Variants in NCAM2 observed in about 807,000 individuals in gnomAD.
The protein encoded by NCAM2 is neural cell adhesion molecule 2.
NCAM2 carries 30 observed loss-of-function variants against 98.1 expected under a neutral mutation model. That is an observed-to-expected ratio of 0.31 (90% CI 0.23 to 0.41). NCAM2 has a LOEUF of 0.41. Among genes scored for constraint, NCAM2 ranks in the 10% least tolerant of loss-of-function variants. The pLI is 1.00. For missense variants in NCAM2, 867 were observed against 1,005.8 expected (o/e 0.86, Z 1.87); for synonymous variants, 368 against 342.4 (o/e 1.07, Z -0.83).
intron 1 of NCAM2, among the ~76,000 whole-genome samples, chr21:21,041,747 G>A (rs964812431): frequency 1.3e-5 from 2 of 152,200 alleles, no homozygotes; most frequent in African/African-American, 2.4e-5. Context: ...TATAGTAACA[G>A]AGAGAGAAAG....
intron 9 of NCAM2, among the ~76,000 whole-genome samples, chr21:21,379,682 T>A (rs888504918): frequency 6.6e-6 from 1 of 152,102 alleles, no homozygotes; most frequent in African/African-American, 2.4e-5. Context: ...ACTATTTTGG[T>A]GAATAGACGA....
intron 1 of NCAM2, among the ~76,000 whole-genome samples, chr21:21,012,507 A>G (rs1243510341): frequency 6.6e-6 from 1 of 152,172 alleles, no homozygotes; most frequent in African/African-American, 2.4e-5. Flanking sequence ...ATAGCACAGG[A>G]AAGGCCATAT....
At chr21:21,515,259 G>T (rs971722) in intron 16 of NCAM2, among the ~76,000 whole-genome samples, 55,746 of 151,984 alleles carry the variant, frequency 0.37, 10,860 homozygotes, top group East Asian at 0.61. Context: ...TAAGCAGATG[G>T]TGTTCTGCAC....
chr21:21,404,889 A>G (rs2076708260), intron 9 of NCAM2, among the ~76,000 whole-genome samples: 1 of 151,640 alleles, frequency 6.6e-6, no homozygotes, highest in East Asian at 1.9e-4. Flanking sequence ...AAGCAACTTT[A>G]CAATAGTAAA....
intron 5 of NCAM2, among the ~76,000 whole-genome samples, chr21:21,314,382 C>T (rs531770738): frequency 6.6e-6 from 1 of 151,638 alleles, no homozygotes; most frequent in African/African-American, 2.4e-5. Context: ...AATCATTCTT[C>T]TCCTATAACT....
chr21:21,353,447 T>C (rs911667672), intron 8 of NCAM2, among the ~76,000 whole-genome samples: 2 of 152,178 alleles, frequency 1.3e-5, no homozygotes, highest in Non-Finnish European at 2.9e-5. Context: ...AAGTTGACAA[T>C]GTCGGAAGTC....
chr21:21,300,949 A>T (rs1193565442), intron 5 of NCAM2, among the ~76,000 whole-genome samples: 2 of 152,050 alleles, frequency 1.3e-5, no homozygotes, highest in Non-Finnish European at 1.5e-5. Context: ...AAATTTCAAC[A>T]TATATTTATT....
intron 1 of NCAM2, among the ~76,000 whole-genome samples, chr21:21,064,934 C>G (rs773020519): frequency 4.6e-5 from 7 of 152,108 alleles, no homozygotes; most frequent in Non-Finnish European, 1.5e-5. Flanking sequence ...AATCCCAGCA[C>G]TTTGGAAGCC....
At chr21:21,084,029 A>G (rs940308086) in intron 1 of NCAM2, among the ~76,000 whole-genome samples, 3 of 152,170 alleles carry the variant, frequency 2.0e-5, no homozygotes, top group Non-Finnish European at 4.4e-5. Flanking sequence ...TATTTCTTAC[A>G]GTTCTGGAGG....
intron 12 of NCAM2, among the ~76,000 whole-genome samples, chr21:21,459,609 T>C (rs1197634779): frequency 1.3e-5 from 2 of 150,226 alleles, no homozygotes; most frequent in African/African-American, 4.9e-5. Flanking sequence ...TATTTATATG[T>C]ACACACATAT....
intron 8 of NCAM2, among the ~76,000 whole-genome samples, chr21:21,346,020 GGTA>G (rs1205737778): frequency 5.3e-5 from 8 of 151,992 alleles, no homozygotes; most frequent in African/African-American, 1.9e-4. Flanking sequence ...ACAACAAAAT[GGTA>G]GTAGTAAGTC....
At chr21:21,314,541 A>G (rs1232231737) in intron 5 of NCAM2, among the ~76,000 whole-genome samples, 1 of 152,110 alleles carries the variant, frequency 6.6e-6, no homozygotes, top group Non-Finnish European at 1.5e-5. Context: ...ATACATACAC[A>G]TATGTACACG....
chr21:21,224,844 C>T (rs2070316716), intron 1 of NCAM2, among the ~76,000 whole-genome samples: 1 of 152,098 alleles, frequency 6.6e-6, no homozygotes, highest in Non-Finnish European at 1.5e-5. Flanking sequence ...AAGTTAGTTG[C>T]ATATTACCTT....
At chr21:21,131,187 G>T (rs1601450452) in intron 1 of NCAM2, among the ~76,000 whole-genome samples, 1 of 151,390 alleles carries the variant, frequency 6.6e-6, no homozygotes, top group Non-Finnish European at 1.5e-5. Context: ...TAAATGGTGG[G>T]GTTTGTGATA....
intron 1 of NCAM2, among the ~76,000 whole-genome samples, chr21:21,189,634 G>A (rs149237814): frequency 2.6e-5 from 4 of 152,276 alleles, no homozygotes; most frequent in African/African-American, 7.2e-5. Flanking sequence ...ATAATTGAAA[G>A]TTAAGCAAGA....
chr21:21,371,575 C>T (rs1180539385), intron 8 of NCAM2, among the ~76,000 whole-genome samples: 1 of 151,680 alleles, frequency 6.6e-6, no homozygotes, highest in Non-Finnish European at 1.5e-5. Flanking sequence ...CTTATGTCCT[C>T]TTAGGGCATC....
intron 10 of NCAM2, among the ~76,000 whole-genome samples, chr21:21,411,117 TATATATAC>T (rs1323536250): frequency 1.3e-5 from 1 of 76,916 alleles, no homozygotes; most frequent in Non-Finnish European, 3.0e-5. Flanking sequence ...TATATGTATA[TATATATAC>T]ACATATATAT....
intron 1 of NCAM2, among the ~76,000 whole-genome samples, chr21:21,230,359 T>C (rs1487229776): frequency 1.3e-5 from 2 of 151,262 alleles, no homozygotes; most frequent in African/African-American, 4.8e-5. Flanking sequence ...TTTGTTTGAT[T>C]TTAATGTCCT....
At chr21:21,193,563 T>A (rs1018134393) in intron 1 of NCAM2, among the ~76,000 whole-genome samples, 2 of 147,652 alleles carry the variant, frequency 1.4e-5, no homozygotes, top group Non-Finnish European at 3.0e-5. Flanking sequence ...TGGCGCGATC[T>A]CGGCTCACTG....
Sources: gnomAD v4.1 joint callset for allele counts (sites outside exome capture counted in the v4.1 genomes callset) on GRCh38, gnomAD v4.1.1 for gene constraint, MANE v1.5 for transcripts, NCBI Gene and HGNC (gene_info 2026-07-23, HGNC 2026-07-21) for gene names.